The following MYO1F variants were observed in gnomAD, a reference collection of about 807,000 sequenced individuals.
MYO1F encodes unconventional myosin-If.
Under a neutral mutation model 146.6 loss-of-function variants are expected in MYO1F, and 60 were observed. The observed-to-expected ratio is 0.41, with a 90% CI of 0.33 to 0.51. MYO1F has a LOEUF of 0.51. MYO1F is among the 20% of genes least tolerant of loss of function. The probability of loss-of-function intolerance (pLI) is 0.25; values close to 1 mark genes in which losing one functional copy is unlikely to be tolerated. For missense variants in MYO1F, 1,274 were observed against 1,534.3 expected (o/e 0.83, Z 2.83); for synonymous variants, 602 against 602.1 (o/e 1.00, Z 0.00).
In MYO1F at chr19:8,536,167, G is replaced by C. The variant is rs529936410; in HGVS notation, c.2043+85C>G. 1.3e-4 allele frequency: 173 copies of C among 1,367,680 alleles called. No homozygotes were observed. In the African/African-American group the frequency reaches 1.7e-3, roughly 14 times the overall value. 84.7% of individuals were successfully genotyped at this position (1,367,680 alleles called of 1,614,324 possible). A position where few individuals can be genotyped will look rare whatever the true frequency, so the allele number is the denominator to read the frequency against. ...TTTCTCTCAATCTCTGTCTCCCTCT[G>C]TCTCTCTCTCTCTCTCTCAGTCCCT... is the stretch of plus-strand genomic sequence containing the variant. On this transcript the variant is annotated intron_variant, in intron 19 of 27. Transcript: ENST00000644032.
intron 1 of MYO1F, among the ~76,000 whole-genome samples, chr19:8,574,604 T>G (rs1314023842): frequency 2.1e-5 from 1 of 47,282 alleles, no homozygotes; most frequent in African/African-American, 9.4e-5. Context: ...TCTCTTTCTT[T>G]CTTTCTTTCT....
intron 19 of MYO1F, among the ~76,000 whole-genome samples, chr19:8,535,201 T>C (rs528677408): frequency 1.2e-4 from 18 of 152,212 alleles, no homozygotes; most frequent in Non-Finnish European, 2.5e-4. Context: ...TGTGAGCCAG[T>C]GCGCCTGGCC....
chr19:8,550,281 T>C lies in MYO1F; in HGVS notation c.980A>G (p.Asp327Gly). ...LQEKLTSRKM[D>G]SRWGGRSESI... ...CTCGCTGCGCCCGCCCCAGCGGCTGTCCATCTTGCGGCTGGTCAGCTTCTC... is the reference window on the plus strand; with the variant it reads ...CTCGCTGCGCCCGCCCCAGCGGCTGCCCATCTTGCGGCTGGTCAGCTTCTC... The change falls in exon 10 of 28, where the codon GAC becomes GGC. Residue 327 changes from aspartate (D) to glycine (G), a missense_variant. Transcript: ENST00000644032. The C allele has an allele frequency of 6.2e-7, 1 of 1,614,186 alleles. No individual in the cohort carries two copies. Among genetic ancestry groups the C allele is most frequent in the South Asian group, 1.1e-5 (1 of 91,084 alleles).
intron 12 of MYO1F, 182 bp downstream of exon 12, chr19:8,547,854 G>A: frequency 3.2e-6 from 2 of 624,632 alleles, no homozygotes; most frequent in Non-Finnish European, 5.7e-6. Context: ...AAGAGGCACG[G>A]TCCTTCCCAA....
rs1227260873 is a variant in MYO1F, at chr19:8,551,839, G to T, written c.672C>A (p.Asn224Lys). 6.2e-7 allele frequency: 1 copy of T among 1,614,156 alleles called. No homozygotes were observed. The highest frequency in any genetic ancestry group is 1.1e-5 in the South Asian group (1 of 91,086). ...LEGASQEQRQNLGLMTPDYYY... is the reference protein window; with the variant it reads ...LEGASQEQRQKLGLMTPDYYY... Reference sequence around the variant, plus strand: ...AGTAGTCCGGTGTCATGAGGCCCAGGTTCTGCCTTTGCTCCTGGGAGGCCC... The same window carrying T: ...AGTAGTCCGGTGTCATGAGGCCCAGTTTCTGCCTTTGCTCCTGGGAGGCCC... The change falls in exon 8 of 28, where the codon AAC (asparagine) becomes AAA (lysine). Residue 224 changes from asparagine to lysine, a missense_variant. Coordinates refer to ENST00000644032, the MANE Select transcript of MYO1F (RefSeq NM_012335.4).
intron 1 of MYO1F, among the ~76,000 whole-genome samples, chr19:8,567,317 G>A (rs761313770): frequency 2.0e-5 from 3 of 151,506 alleles, no homozygotes; most frequent in African/African-American, 4.9e-5. Flanking sequence ...CACCTGCCTC[G>A]GCCTCCCAAA....
chr19:8,547,497 G>C (rs771536283), intron 12 of MYO1F, among the ~76,000 whole-genome samples: 1 of 151,300 alleles, frequency 6.6e-6, no homozygotes, highest in African/African-American at 2.4e-5. Flanking sequence ...CCAGCTGCTC[G>C]GGAGGCTGAG....
In MYO1F at chr19:8,526,866, C is replaced by T. The variant is rs371695388; in HGVS notation, c.2544G>A (p.Lys848=). 2 of 1,613,930 alleles carry T rather than the reference C, an allele frequency of 1.2e-6. No homozygotes were observed. Among genetic ancestry groups the T allele is most frequent in the Non-Finnish European group, 1.7e-6 (2 of 1,180,024 alleles). ...AADSFLESVF[K]TEFVSLLCKR... ...TGCACAGAAGGCTGACAAACTCGGT[C>T]TTGAAGACGCTCTCCAGGAAGCTGT... Residue 848 remains lysine, a synonymous_variant, in exon 23 of 28, where the codon AAG becomes AAA. Transcript: ENST00000644032.
At chr19:8,551,985 C>A in intron 7 of MYO1F, 48 bp downstream of exon 7, 1 of 1,613,856 alleles carries the variant, frequency 6.2e-7, no homozygotes, top group South Asian at 1.1e-5. Context: ...TTGTCCACCC[C>A]GCTGGGCTCC....
Position 8,526,908 on chromosome 19 carries a change from G to A in MYO1F, c.2502C>T (p.Leu834=). 6.2e-7 allele frequency: 1 copy of A among 1,614,112 alleles called. No individual in the cohort carries two copies. Among genetic ancestry groups the A allele is most frequent in the Middle Eastern group, 1.7e-4 (1 of 6,060 alleles). ...LSTRQDDFFI[L]QEDAADSFLE... is the part of the protein sequence containing the mutation. ...GGAAGCTGTCGGCGGCATCCTCTTG[G>A]AGGATGAAGAAGTCGTCCTGTCGCG... The change falls in exon 23 of 28, where the codon CTC becomes CTT. Residue 834 remains leucine (L), a synonymous_variant. Coordinates refer to ENST00000644032, the MANE Select transcript of MYO1F (RefSeq NM_012335.4).
intron 1 of MYO1F, among the ~76,000 whole-genome samples, chr19:8,574,659 T>C (rs2042197554): frequency 7.0e-6 from 1 of 142,204 alleles, no homozygotes; most frequent in Non-Finnish European, 1.5e-5. Context: ...TCTTTCTCTT[T>C]CTTCTTTCTC....
chr19:8,550,029 G>A (rs1222764509), intron 10 of MYO1F, 131 bp downstream of exon 10: 1 of 1,037,460 alleles, frequency 9.6e-7, no homozygotes, highest in African/African-American at 1.6e-5. Flanking sequence ...TGAACTTCTG[G>A]CCTCAAAGAA....
chr19:8,533,123 T>C (rs1054752299), intron 19 of MYO1F, among the ~76,000 whole-genome samples: 4 of 151,780 alleles, frequency 2.6e-5, no homozygotes, highest in Non-Finnish European at 4.4e-5. Flanking sequence ...TGGTGCGATC[T>C]CGGCTCCCGG....
At chr19:8,542,221 C>T (rs1322707432) in intron 14 of MYO1F, among the ~76,000 whole-genome samples, 1 of 150,720 alleles carries the variant, frequency 6.6e-6, no homozygotes, top group Non-Finnish European at 1.5e-5. Flanking sequence ...AGGATCGTGG[C>T]TGTATCCCAG....
chr19:8,562,757 C>G (rs1225337413), intron 1 of MYO1F, among the ~76,000 whole-genome samples: 1 of 151,768 alleles, frequency 6.6e-6, no homozygotes, highest in Non-Finnish European at 1.5e-5. Context: ...TGGTCTCTAA[C>G]TCCTGGGCTC....
Position 8,530,045 on chromosome 19 carries a change from C to T in MYO1F, c.2328+151G>A. On this transcript the variant is annotated intron_variant, in intron 21 of 27. Coordinates refer to ENST00000644032, the MANE Select transcript of MYO1F (RefSeq NM_012335.4). This position sits in a 1 kb window ranked among gnomAD's most constrained non-coding sequence, Gnocchi z 5.8. Reference sequence around the variant, plus strand: ...AGGCTGGGGGATCTATGCCTGTGGGCAGGTGCATATGGGCCAGGTGAGGGT... The same window carrying T: ...AGGCTGGGGGATCTATGCCTGTGGGTAGGTGCATATGGGCCAGGTGAGGGT... 9.7e-7 allele frequency: 1 copy of T among 1,029,218 alleles called. No homozygotes were observed. The allele number at this position is 1,029,218 out of a possible 1,614,324, so 63.8% of individuals were successfully genotyped here.
chr19:8,549,998 C>A, intron 10 of MYO1F, 162 bp downstream of exon 10: 1 of 768,188 alleles, frequency 1.3e-6, no homozygotes, highest in Admixed American at 2.1e-5. Flanking sequence ...GGGGGTCTTG[C>A]TATGTTGCCC....
chr19:8,522,889 G>A (rs1972119352), intron 25 of MYO1F, 60 bp from the exon 26 acceptor site: 2 of 1,452,754 alleles, frequency 1.4e-6, no homozygotes, highest in African/African-American at 1.4e-5. Flanking sequence ...ATTTGAGGAG[G>A]ACTTGGCTTC....
At chr19:8,528,817 G>A (rs1455245451) in intron 21 of MYO1F, among the ~76,000 whole-genome samples, 1 of 152,114 alleles carries the variant, frequency 6.6e-6, no homozygotes, top group Admixed American at 6.6e-5. Context: ...AGGAGTATCT[G>A]GATCATGAGA....
Sources: allele counts gnomAD v4.1 joint callset (sites outside exome capture counted in the v4.1 genomes callset), GRCh38; gene constraint gnomAD v4.1.1; non-coding constraint Gnocchi (gnomAD v3.1); transcripts MANE v1.5; gene names NCBI Gene and HGNC (gene_info 2026-07-23, HGNC 2026-07-21).